The following EIPR1 variants were observed in gnomAD, a reference collection of about 807,000 sequenced individuals.
The protein encoded by EIPR1 is EARP and GARP complex-interacting protein 1.
EIPR1 carries 25 observed loss-of-function variants against 48.1 expected under a neutral mutation model. That is an observed-to-expected ratio of 0.52 (90% CI 0.38 to 0.73). The LOEUF is 0.73. EIPR1 is among the 30% of genes least tolerant of loss of function. EIPR1 has a pLI of 0.00. For synonymous variants in EIPR1, 204 were observed against 201.9 expected (o/e 1.01, Z -0.09); for missense variants, 415 against 506.2 (o/e 0.82, Z 1.73).
chr2:3,375,098 G>C (rs1659827441), intron 1 of EIPR1, among the ~76,000 whole-genome samples: 1 of 151,478 alleles, frequency 6.6e-6, no homozygotes, highest in East Asian at 1.9e-4. Context: ...GATGAAATTG[G>C]AAATCATCAT....
At chr2:3,289,249 T>C (rs2103271268) in intron 3 of EIPR1, among the ~76,000 whole-genome samples, 1 of 152,228 alleles carries the variant, frequency 6.6e-6, no homozygotes, top group Non-Finnish European at 1.5e-5. Flanking sequence ...CATTTCGCTG[T>C]CTCTCTCTTC....
intron 3 of EIPR1, among the ~76,000 whole-genome samples, chr2:3,291,518 CAT>C (rs2103274276): frequency 6.6e-6 from 1 of 152,268 alleles, no homozygotes; most frequent in Admixed American, 6.5e-5. Context: ...AAAATTATAT[CAT>C]AAAAACGTCA....
At chr2:3,233,536 C>T (rs569186417) in intron 4 of EIPR1, among the ~76,000 whole-genome samples, 6 of 152,282 alleles carry the variant, frequency 3.9e-5, no homozygotes, top group Admixed American at 1.3e-4. Flanking sequence ...GGATCCCAGC[C>T]GTAACTGTGA....
intron 3 of EIPR1, among the ~76,000 whole-genome samples, chr2:3,289,629 C>A (rs1668307179): frequency 6.6e-6 from 1 of 152,174 alleles, no homozygotes; most frequent in Non-Finnish European, 1.5e-5. Context: ...AAAATGAGCC[C>A]CAGGGCTTTG....
intron 3 of EIPR1, among the ~76,000 whole-genome samples, chr2:3,309,490 A>T (rs1484546604): frequency 6.6e-6 from 1 of 152,202 alleles, no homozygotes; most frequent in African/African-American, 2.4e-5. Flanking sequence ...AAGCCCTAAG[A>T]GATCAATAAT....
intron 2 of EIPR1, among the ~76,000 whole-genome samples, chr2:3,341,095 C>CAAAAAAAAAAAAAAAA (rs55667121): frequency 6.3e-4 from 14 of 22,202 alleles, no homozygotes; most frequent in Non-Finnish European, 1.0e-3. Context: ...GATCCTGTCT[C>CAAAAAAAAAAAAAAAA]AAAAAAAAAA....
chr2:3,251,914 G>A (rs904561441), intron 4 of EIPR1, among the ~76,000 whole-genome samples: 1 of 152,094 alleles, frequency 6.6e-6, no homozygotes, highest in African/African-American at 2.4e-5. Flanking sequence ...GGAGTTCTGG[G>A]GCGAGACTTC....
intron 3 of EIPR1, among the ~76,000 whole-genome samples, chr2:3,327,871 T>TAAAA: frequency 6.6e-6 from 1 of 152,056 alleles, no homozygotes; most frequent in Non-Finnish European, 1.5e-5. Flanking sequence ...ATTTTTTTTT[T>TAAAA]CTTTTTGAGA....
At chr2:3,193,903 A>C in intron 7 of EIPR1, 96 bp downstream of exon 7, 1 of 1,418,968 alleles carries the variant, frequency 7.0e-7, no homozygotes, top group Non-Finnish European at 9.6e-7. Context: ...ACAGCAGCAC[A>C]AACTAAGCTG....
rs1401396773 is a variant in EIPR1 at position 3,193,524 on chromosome 2, C to T, written c.821+475G>A. Among the ~76,000 whole-genome samples the T allele has an allele frequency of 2.6e-5, 4 of 152,292 alleles. No homozygotes were observed. The East Asian group carries it at 7.7e-4, about 29-fold the overall frequency. On this transcript the variant is annotated intron_variant, in intron 7 of 8. Coordinates refer to ENST00000382125, the MANE Select transcript of EIPR1 (RefSeq NM_003310.5). ...TTTTACTTACTTAGCAAAAAGTACC[C>T]AGCACATGAAAAACATTCAAATAAT...
intron 3 of EIPR1, among the ~76,000 whole-genome samples, chr2:3,330,028 T>C (rs12997401): frequency 0.45 from 68,262 of 151,942 alleles, 16,494 homozygotes; most frequent in East Asian, 0.81. Context: ...TCCATGACCA[T>C]TCTCTAATGA....
At chr2:3,250,939 CTCT>C (rs1666983876) in intron 4 of EIPR1, among the ~76,000 whole-genome samples, 1 of 151,944 alleles carries the variant, frequency 6.6e-6, no homozygotes, top group African/African-American at 2.4e-5. Context: ...CCAAATAAAC[CTCT>C]TTTTTTTTTT....
At chr2:3,222,436 G>A in intron 4 of EIPR1, among the ~76,000 whole-genome samples, 1 of 152,210 alleles carries the variant, frequency 6.6e-6, no homozygotes, top group Non-Finnish European at 1.5e-5. Context: ...GGCTGTATAA[G>A]TAACTTTTTA....
intron 4 of EIPR1, among the ~76,000 whole-genome samples, chr2:3,247,052 AGAGGGAGGGAGAGAGGGAGG>A (rs1666852665): frequency 4.9e-4 from 1 of 2,030 alleles, no homozygotes; most frequent in African/African-American, 1.6e-3. Context: ...AGGGAGGGAG[AGAGGGAGGGAGAGAGGGAGG>A]GAGAGAGGGA....
At chr2:3,360,812 T>C (rs774691592) in intron 1 of EIPR1, among the ~76,000 whole-genome samples, 51 of 152,088 alleles carry the variant, frequency 3.4e-4, no homozygotes, top group Non-Finnish European at 6.6e-4. Context: ...CAGGAGCAGA[T>C]GAACCTGCTC....
chr2:3,230,402 G>A (rs2103165699), intron 4 of EIPR1, among the ~76,000 whole-genome samples: 1 of 152,318 alleles, frequency 6.6e-6, no homozygotes, highest in East Asian at 1.9e-4. Flanking sequence ...GCTGAAGGGG[G>A]TGGGAGGATT....
At chr2:3,245,872 A>G (rs932485743) in intron 4 of EIPR1, among the ~76,000 whole-genome samples, 2 of 152,220 alleles carry the variant, frequency 1.3e-5, no homozygotes, top group Non-Finnish European at 2.9e-5. Flanking sequence ...TAGCCTGAGC[A>G]ATGTAGGGAG....
chr2:3,213,976 G>A (rs1414898108), intron 5 of EIPR1, among the ~76,000 whole-genome samples, 173 bp downstream of exon 5: 1 of 152,054 alleles, frequency 6.6e-6, no homozygotes, highest in Non-Finnish European at 1.5e-5. Flanking sequence ...CATTAGGTAT[G>A]TCTCCTAATG....
intron 3 of EIPR1, among the ~76,000 whole-genome samples, chr2:3,313,382 G>A (rs1367837328): frequency 6.6e-6 from 1 of 151,954 alleles, no homozygotes. Context: ...TGGGTGGGGG[G>A]GTTCAAGGCG....
Sources: gnomAD v4.1 joint callset for allele counts (sites outside exome capture counted in the v4.1 genomes callset) on GRCh38, gnomAD v4.1.1 for gene constraint, MANE v1.5 for transcripts, NCBI Gene and HGNC (gene_info 2026-07-23, HGNC 2026-07-21) for gene names.